The following GSG1L variants were observed in gnomAD, a reference collection of about 807,000 sequenced individuals.
GSG1L encodes the protein GSG1 like, also known as germ cell-specific gene 1-like protein.
GSG1L carries 24 observed loss-of-function variants against 42.1 expected under a neutral mutation model. The ratio of observed to expected loss-of-function variants is 0.57; its 90% confidence interval spans 0.41 to 0.80. The LOEUF (loss-of-function observed/expected upper bound fraction) is 0.80. GSG1L is among the 30% of genes least tolerant of loss of function. The pLI, the probability that GSG1L is intolerant of heterozygous loss-of-function variation, is 0.00. For synonymous variants in GSG1L, 215 were observed against 203.5 expected (o/e 1.06, Z -0.48); for missense variants, 445 against 472.2 (o/e 0.94, Z 0.53).
intron 3 of GSG1L, among the ~76,000 whole-genome samples, chr16:27,851,483 CT>C (rs2140990285): frequency 6.6e-6 from 1 of 152,268 alleles, no homozygotes; most frequent in South Asian, 2.1e-4. Flanking sequence ...GCAGGAGCCC[CT>C]GTGCCCTGCT....
At chr16:28,035,029 T>C (rs2086016230) in intron 1 of GSG1L, among the ~76,000 whole-genome samples, 1 of 152,158 alleles carries the variant, frequency 6.6e-6, no homozygotes, top group Non-Finnish European at 1.5e-5. Flanking sequence ...ATTATTGTTA[T>C]TTATAGACAG....
At chr16:27,981,853 T>C (rs1190494606) in intron 1 of GSG1L, among the ~76,000 whole-genome samples, 1 of 152,234 alleles carries the variant, frequency 6.6e-6, no homozygotes, top group South Asian at 2.1e-4. Context: ...ATTAGAATTA[T>C]AGTGATTAAA....
At chr16:27,950,613 G>A (rs751742769) in intron 2 of GSG1L, among the ~76,000 whole-genome samples, 3 of 152,030 alleles carry the variant, frequency 2.0e-5, no homozygotes, top group Non-Finnish European at 4.4e-5. Flanking sequence ...GGGTAGCAGG[G>A]TAGGCTTGAA....
chr16:27,952,126 G>C (rs1402835329), intron 2 of GSG1L, among the ~76,000 whole-genome samples: 4 of 152,216 alleles, frequency 2.6e-5, no homozygotes, highest in Admixed American at 2.6e-4. Context: ...TCAGATCCAG[G>C]TTTCTAAGCC....
chr16:28,040,617 C>A lies in GSG1L; in HGVS notation c.349+22459G>T, dbSNP rs958301808. ...GAATGAAATGTCAAGGACGGATGCCCTTCCAGCAACCTAAGAAGAGACCCG... is the reference window on the plus strand; with the variant it reads ...GAATGAAATGTCAAGGACGGATGCCATTCCAGCAACCTAAGAAGAGACCCG... On this transcript the variant is annotated intron_variant, in intron 1 of 6. Coordinates refer to ENST00000447459, the MANE Select transcript of GSG1L (RefSeq NM_001109763.2). The surrounding 1 kb of genome is among the most constrained non-coding windows in gnomAD (Gnocchi z 4.1). Among the ~76,000 whole-genome samples, 10 of 152,210 alleles carry A rather than the reference C, an allele frequency of 6.6e-5. No homozygotes were observed. Among genetic ancestry groups the A allele is most frequent in the African/African-American group, 2.4e-4 (10 of 41,448 alleles).
chr16:27,888,479 T>TTTCCTTTC (rs2084069898), intron 2 of GSG1L, among the ~76,000 whole-genome samples: 5 of 44,386 alleles, frequency 1.1e-4, no homozygotes, highest in African/African-American at 3.7e-4. Context: ...TCTCTCTCTC[T>TTTCCTTTC]TTCCTTTCTT....
intron 1 of GSG1L, among the ~76,000 whole-genome samples, chr16:27,999,185 G>A (rs2085553192): frequency 6.6e-6 from 1 of 152,198 alleles, no homozygotes; most frequent in Non-Finnish European, 1.5e-5. Context: ...GCTCACACGT[G>A]TAATCCCAGA....
chr16:27,858,607 C>A (rs892179602), intron 3 of GSG1L, among the ~76,000 whole-genome samples: 1 of 152,158 alleles, frequency 6.6e-6, no homozygotes, highest in Non-Finnish European at 1.5e-5. Flanking sequence ...TCCCTGCCCT[C>A]AAGGAGCTGA....
chr16:27,839,246 TTCCCTAGA>T (rs1298798858), intron 4 of GSG1L, among the ~76,000 whole-genome samples: 5 of 152,162 alleles, frequency 3.3e-5, no homozygotes, highest in African/African-American at 1.2e-4. Context: ...AGTGAGAACC[TTCCCTAGA>T]TCTGGCCCAA....
At chr16:28,052,788 AGAT>A (rs1466202221) in intron 1 of GSG1L, among the ~76,000 whole-genome samples, 2 of 152,268 alleles carry the variant, frequency 1.3e-5, no homozygotes, top group African/African-American at 4.8e-5. Context: ...GGCAGAAAAC[AGAT>A]GATTAGGTAG....
chr16:28,058,137 G>A (rs1251870397), intron 1 of GSG1L, among the ~76,000 whole-genome samples: 2 of 152,176 alleles, frequency 1.3e-5, no homozygotes, highest in Non-Finnish European at 2.9e-5. Flanking sequence ...GGGCTGGGGA[G>A]ACTGAGGAGC....
At chr16:27,934,508 C>CT (rs926856451) in intron 2 of GSG1L, among the ~76,000 whole-genome samples, 2 of 152,068 alleles carry the variant, frequency 1.3e-5, no homozygotes, top group African/African-American at 4.8e-5. Flanking sequence ...GCACTCCAGC[C>CT]TGGGTGACAG....
rs1316017021 is a variant in GSG1L at position 28,063,576 on chromosome 16, C to T, written c.-152G>A. On this transcript the variant is annotated 5_prime_UTR_variant, in exon 1 of 7. Coordinates refer to ENST00000447459, the MANE Select transcript of GSG1L (RefSeq NM_001109763.2). This position sits in a 1 kb window ranked among gnomAD's most constrained non-coding sequence, Gnocchi z 5.8. ...CGGCGGACGCGGCGCGGGCCCATGC[C>T]CCCCCCAACCCCGGGGTGGGGGCGC... 2 of 225,134 alleles carry T rather than the reference C, an allele frequency of 8.9e-6. No individual in the cohort carries two copies. Among genetic ancestry groups the T allele is most frequent in the South Asian group, 1.4e-4 (1 of 7,078 alleles). The allele number at this position is 225,134 out of a possible 1,614,324, so 13.9% of individuals were successfully genotyped here.
intron 3 of GSG1L, among the ~76,000 whole-genome samples, chr16:27,847,120 C>T (rs552871167): frequency 6.6e-6 from 1 of 152,290 alleles, no homozygotes; most frequent in South Asian, 2.1e-4. Context: ...GTTACTGCAC[C>T]TCCTGAATTA....
intron 2 of GSG1L, among the ~76,000 whole-genome samples, chr16:27,888,927 G>GATAGATATAGATATAGATATAGAT (rs55977600): frequency 0.063 from 8,934 of 142,134 alleles, 374 homozygotes; most frequent in Non-Finnish European, 0.085. Flanking sequence ...CTTGTGCTTA[G>GATAGATATAGATATAGATATAGAT]ATAGATATAG....
intron 2 of GSG1L, among the ~76,000 whole-genome samples, chr16:27,916,987 C>A (rs1455047206): frequency 1.3e-5 from 2 of 152,022 alleles, no homozygotes; most frequent in Admixed American, 6.6e-5. Flanking sequence ...AAGGAGGAAG[C>A]TAAATAAAGA....
chr16:27,862,929 GT>G (rs553972897), intron 3 of GSG1L, among the ~76,000 whole-genome samples: 221 of 147,074 alleles, frequency 1.5e-3, no homozygotes, highest in African/African-American at 4.2e-3. Context: ...ATTCTCTAGG[GT>G]TTTTTTTTTA....
At chr16:28,036,853 A>ACTCCCACTCCCAGTCTC (rs2086044486) in intron 1 of GSG1L, among the ~76,000 whole-genome samples, 1 of 151,832 alleles carries the variant, frequency 6.6e-6, no homozygotes, top group Non-Finnish European at 1.5e-5. Flanking sequence ...TCCCCAGGCT[A>ACTCCCACTCCCAGTCTC]CTCCCACTCC....
Position 27,790,160 on chromosome 16 carries a change from T to C in GSG1L, c.*1210A>G, listed in dbSNP as rs1450826587. On this transcript the variant is annotated 3_prime_UTR_variant, in exon 7 of 7. Coordinates refer to ENST00000447459, the MANE Select transcript of GSG1L (RefSeq NM_001109763.2). ...TGAATTATGAATGATGGATGGATGA[T>C]GAATGATGGATGGATAATAGATGAT... 6.6e-6 allele frequency: 1 copy of C among 151,368 alleles called. No individual in the cohort carries two copies. Among genetic ancestry groups the C allele is most frequent in the African/African-American group, 2.4e-5 (1 of 41,112 alleles). 9.4% of individuals were successfully genotyped at this position (151,368 alleles called of 1,614,324 possible). A position where few individuals can be genotyped will look rare whatever the true frequency, so the allele number is the denominator to read the frequency against.
Sources: allele counts gnomAD v4.1 joint callset (sites outside exome capture counted in the v4.1 genomes callset), GRCh38; gene constraint gnomAD v4.1.1; non-coding constraint Gnocchi (gnomAD v3.1); transcripts MANE v1.5; gene names NCBI Gene and HGNC (gene_info 2026-07-23, HGNC 2026-07-21).